Variants in DBI observed in about 807,000 individuals in gnomAD.
DBI encodes diazepam binding inhibitor, acyl-CoA binding protein.
Under a neutral mutation model 13.0 loss-of-function variants are expected in DBI, and 12 were observed. That is an observed-to-expected ratio of 0.92 (90% CI 0.59 to 1.49). The LOEUF (loss-of-function observed/expected upper bound fraction) is 1.49, where lower values mean the gene tolerates loss of function less well. Ranked by LOEUF, DBI falls within the 40% of genes most tolerant of loss-of-function variation. The probability of loss-of-function intolerance (pLI) is 0.00; values close to 1 mark genes in which losing one functional copy is unlikely to be tolerated. For missense variants in DBI, 95 were observed against 104.8 expected (o/e 0.91, Z 0.41); for synonymous variants, 37 against 37.4 (o/e 0.99, Z 0.04).
intron 1 of DBI, 146 bp from the exon 2 acceptor site, chr2:119,368,040 GAC>G: frequency 6.4e-7 from 1 of 1,558,542 alleles, no homozygotes; most frequent in Non-Finnish European, 8.9e-7. Flanking sequence ...GGGAGGGGCA[GAC>G]ACACTTCAGG....
rs541383755 is a variant in DBI, at chr2:119,371,106, A to G, written c.190+304A>G. 2.0e-5 allele frequency among the ~76,000 whole-genome samples: 3 copies of G among 152,304 alleles called. No individual in the cohort carries two copies. The South Asian group carries it at 6.2e-4, about 32-fold the overall frequency. ...GGCGTAGGCTTTGGATGTGTTCAGAATAAGGGGTGGTTTCCTGTCTGCAAC... is the reference window on the plus strand; with the variant it reads ...GGCGTAGGCTTTGGATGTGTTCAGAGTAAGGGGTGGTTTCCTGTCTGCAAC... On this transcript the variant is annotated intron_variant, in intron 3 of 3. Transcript: ENST00000355857.
rs568580153 is a variant in DBI, at chr2:119,368,099, G to A, written c.10-89G>A. ...CCACCTTTCCCACCTCTCCATCCCCGTAACTGGGCTGTCATCAGGCCACAG... is the reference window on the plus strand; with the variant it reads ...CCACCTTTCCCACCTCTCCATCCCCATAACTGGGCTGTCATCAGGCCACAG... On this transcript the variant is annotated intron_variant, in intron 1 of 3. Transcript: ENST00000355857. 1.2e-5 allele frequency: 18 copies of A among 1,487,858 alleles called. No homozygotes were observed. In the Admixed American group the frequency reaches 2.0e-4, roughly 17 times the overall value. The allele number at this position is 1,487,858 out of a possible 1,614,324, so 92.2% of individuals were successfully genotyped here.
chr2:119,367,503 CGAG>C lies in DBI; in HGVS notation c.9+447_9+449del, dbSNP rs756091795. The C allele has an allele frequency of 8.1e-6, 13 of 1,600,616 alleles. No individual in the cohort carries two copies. In the South Asian group the frequency reaches 1.3e-4, roughly 16 times the overall value. ...GGGGCCGGCTGCTCAGAGTGCGGGA[CGAG>C]GAGAATCGCGGCCCGGGGAGAGGTG... On this transcript the variant is annotated intron_variant, in intron 1 of 3. Transcript: ENST00000355857.
At chr2:119,368,343 A>G in intron 2 of DBI, 38 bp downstream of exon 2, 1 of 1,507,160 alleles carries the variant, frequency 6.6e-7, no homozygotes. Flanking sequence ...TCTGCTCATC[A>G]AAGCAGGCTC....
At chr2:119,367,500 G>A in intron 1 of DBI, 2 of 1,600,942 alleles carry the variant, frequency 1.2e-6, no homozygotes, top group Non-Finnish European at 1.7e-6. Flanking sequence ...TCAGAGTGCG[G>A]GACGAGGAGA....
chr2:119,368,159 C>T, intron 1 of DBI, 29 bp from the exon 2 acceptor site: 4 of 1,585,578 alleles, frequency 2.5e-6, no homozygotes, highest in East Asian at 2.2e-5. Flanking sequence ...AGAGGAGGCC[C>T]TCAATCCTCT....
Position 119,372,272 on chromosome 2 carries a change from C to T in DBI, c.218C>T (p.Ala73Val), listed in dbSNP as rs1330956832. 1.2e-6 allele frequency: 2 copies of T among 1,613,578 alleles called. No individual in the cohort carries two copies. Among genetic ancestry groups the T allele is most frequent in the African/African-American group, 1.3e-5 (1 of 74,902 alleles). ...KGTSKEDAMK[A>V]YINKVEELKK... ...ACTTCCAAGGAAGATGCCATGAAAG[C>T]TTACATCAACAAAGTAGAAGAGCTA... The change falls in exon 4 of 4, where the codon GCT becomes GTT. Residue 73 changes from alanine (A) to valine (V), a missense_variant. Transcript: ENST00000355857.
intron 2 of DBI, 179 bp downstream of exon 2, chr2:119,368,484 T>C: frequency 1.7e-6 from 1 of 593,986 alleles, no homozygotes; most frequent in Admixed American, 2.9e-5. Context: ...TCTCCAGTAG[T>C]AACAGAATTC....
At chr2:119,370,613 A>G in intron 2 of DBI, 127 bp from the exon 3 acceptor site, 1 of 817,296 alleles carries the variant, frequency 1.2e-6, no homozygotes, top group Non-Finnish European at 2.0e-6. Context: ...TACTAGACCT[A>G]TTTAACCCCA....
rs763789289 is a variant in DBI at position 119,370,782 on chromosome 2, A to T, written c.170A>T (p.Asp57Val). ...MLDFTGKAKW[D>V]AWNELKGTSK... ...GACTTCACGGGCAAGGCCAAGTGGG[A>T]TGCCTGGAATGAGCTGAAAGGTAAT... is the stretch of plus-strand genomic sequence containing the variant. The change falls in exon 3 of 4, where the codon GAT becomes GTT. Residue 57 changes from aspartate (D) to valine (V), a missense_variant. Transcript: ENST00000355857. 27 of 1,613,958 alleles carry T rather than the reference A, an allele frequency of 1.7e-5. No individual in the cohort carries two copies. Among genetic ancestry groups the T allele is most frequent in the Non-Finnish European group, 5.1e-6 (6 of 1,179,972 alleles).
At chr2:119,370,886 A>G in intron 3 of DBI, 84 bp downstream of exon 3, 2 of 1,333,054 alleles carry the variant, frequency 1.5e-6, no homozygotes, top group Non-Finnish European at 1.1e-6. Context: ...AAGAGGAGAG[A>G]AAACAAAGTC....
intron 1 of DBI, chr2:119,367,730 C>G (rs1177896659): frequency 3.1e-6 from 5 of 1,608,168 alleles, no homozygotes; most frequent in Non-Finnish European, 3.4e-6. Flanking sequence ...GCCCTGTCCC[C>G]TTTCAGCTGT....
intron 2 of DBI, among the ~76,000 whole-genome samples, chr2:119,369,483 A>G (rs564109390): frequency 6.6e-6 from 1 of 152,346 alleles, no homozygotes; most frequent in South Asian, 2.1e-4. Flanking sequence ...GTAGCCACAT[A>G]TGACTATATA....
At chr2:119,371,852 C>A (rs929094572) in intron 3 of DBI, among the ~76,000 whole-genome samples, 2 of 152,220 alleles carry the variant, frequency 1.3e-5, no homozygotes, top group African/African-American at 4.8e-5. Context: ...AAAACAGAGA[C>A]ACTGAAAAGG....
At chr2:119,372,164 C>G (rs1681562460) in intron 3 of DBI, 81 bp from the exon 4 acceptor site, 1 of 987,158 alleles carries the variant, frequency 1.0e-6, no homozygotes, top group Non-Finnish European at 1.6e-6. Context: ...AGAGTTACAG[C>G]AGAGCTGCCT....
intron 1 of DBI, chr2:119,367,751 C>A (rs1376162201): frequency 1.2e-6 from 2 of 1,607,212 alleles, no homozygotes; most frequent in Non-Finnish European, 1.7e-6. Flanking sequence ...TTCCAGCATA[C>A]TGTGCCCCGT....
chr2:119,372,033 C>A (rs1482418972), intron 3 of DBI, among the ~76,000 whole-genome samples: 2 of 152,240 alleles, frequency 1.3e-5, no homozygotes, highest in African/African-American at 2.4e-5. Context: ...TCTTGGCCAG[C>A]CCCACCAGGC....
chr2:119,370,710 G>A, intron 2 of DBI, 30 bp from the exon 3 acceptor site: 1 of 1,607,348 alleles, frequency 6.2e-7, no homozygotes, highest in Non-Finnish European at 8.5e-7. Flanking sequence ...ATTTGAACCA[G>A]ATCTAATGCC....
intron 2 of DBI, among the ~76,000 whole-genome samples, chr2:119,369,604 A>G (rs11123518): frequency 0.17 from 26,333 of 152,078 alleles, 2,471 homozygotes; most frequent in East Asian, 0.23. Flanking sequence ...TGGCTAACGT[A>G]GTGAAACCCC....
Sources: gnomAD v4.1 joint callset for allele counts (sites outside exome capture counted in the v4.1 genomes callset) on GRCh38, gnomAD v4.1.1 for gene constraint, MANE v1.5 for transcripts, NCBI Gene and HGNC (gene_info 2026-07-23, HGNC 2026-07-21) for gene names.